MYO3B: variants seen among roughly 807,000 people sequenced by gnomAD.
MYO3B encodes the protein myosin IIIB, also known as myosin-IIIb.
MYO3B carries 156 observed loss-of-function variants against 174.6 expected under a neutral mutation model. The ratio of observed to expected loss-of-function variants is 0.89; its 90% CI spans 0.78 to 1.02. The LOEUF is 1.02. Ranked by LOEUF, MYO3B falls within the 50% of genes least tolerant of loss-of-function variation. The pLI, the probability that MYO3B is intolerant of heterozygous loss-of-function variation, is 0.00. For synonymous variants in MYO3B, 563 were observed against 569.1 expected (o/e 0.99, Z 0.15); for missense variants, 1,632 against 1,639.4 (o/e 1.00, Z 0.08).
intron 9 of MYO3B, among the ~76,000 whole-genome samples, chr2:170,379,922 T>A (rs1187342066): frequency 6.6e-6 from 1 of 152,174 alleles, no homozygotes; most frequent in African/African-American, 2.4e-5. Context: ...AAGAGAGAAA[T>A]CCATTTTATT....
intron 6 of MYO3B, among the ~76,000 whole-genome samples, chr2:170,219,195 G>A (rs1016583490): frequency 1.3e-5 from 2 of 152,192 alleles, no homozygotes; most frequent in African/African-American, 2.4e-5. Flanking sequence ...CTTTCCCTAA[G>A]TTTCCACCAC....
chr2:170,510,708 G>T (rs1347740759), intron 28 of MYO3B, among the ~76,000 whole-genome samples: 1 of 150,796 alleles, frequency 6.6e-6, no homozygotes, highest in Non-Finnish European at 1.5e-5. Context: ...GTTCCCTTAT[G>T]CCCTTCTTGA....
intron 25 of MYO3B, among the ~76,000 whole-genome samples, chr2:170,475,326 C>T (rs1417734482): frequency 3.9e-5 from 6 of 152,186 alleles, no homozygotes; most frequent in African/African-American, 1.2e-4. Flanking sequence ...TCATGGTTCA[C>T]TGCAGCTTTG....
intron 28 of MYO3B, among the ~76,000 whole-genome samples, chr2:170,512,567 T>C (rs772184920): frequency 6.6e-6 from 1 of 152,196 alleles, no homozygotes; most frequent in Non-Finnish European, 1.5e-5. Flanking sequence ...ACCAGGACAG[T>C]GTCTCTGCTG....
rs758960879 is a variant in MYO3B at position 170,652,999 on chromosome 2, G to A, written c.3904G>A (p.Asp1302Asn). ...PRKLGQIKVL[D>N]GEDEYYKSLS... ...TTGTTGCAGCCAAATCAAAGTACTT[G>A]ATGGGGAAGATGAATATTACAAATC... Residue 1302 changes from aspartate (D) to asparagine (N), a missense_variant, in exon 35 of 35, where the codon GAT becomes AAT. By Grantham distance (23) the Asp-to-Asn change is conservative (BLOSUM62 1). Coordinates refer to ENST00000408978, the MANE Select transcript of MYO3B (RefSeq NM_138995.5). 29 of 1,613,966 alleles carry A rather than the reference G, an allele frequency of 1.8e-5. No individual in the cohort carries two copies. In the Admixed American group the frequency reaches 4.8e-4, roughly 27 times the overall value.
chr2:170,553,242 A>G (rs946847591), intron 32 of MYO3B, among the ~76,000 whole-genome samples: 1 of 152,166 alleles, frequency 6.6e-6, no homozygotes. Flanking sequence ...AGATCTACCA[A>G]TACCTTGCAC....
At chr2:170,593,627 G>A (rs559198615) in intron 32 of MYO3B, among the ~76,000 whole-genome samples, 4 of 152,306 alleles carry the variant, frequency 2.6e-5, no homozygotes, top group African/African-American at 9.6e-5. Flanking sequence ...CCCAAATGAG[G>A]TCTGTTAGTC....
At chr2:170,445,556 G>A (rs2105916150) in intron 23 of MYO3B, among the ~76,000 whole-genome samples, 1 of 152,102 alleles carries the variant, frequency 6.6e-6, no homozygotes, top group East Asian at 1.9e-4. Context: ...GGTCAGGCTG[G>A]TCTCCAACTC....
chr2:170,355,052 ATC>A, intron 8 of MYO3B, among the ~76,000 whole-genome samples: 1 of 152,252 alleles, frequency 6.6e-6, no homozygotes, highest in East Asian at 1.9e-4. Context: ...TGCAAAAACC[ATC>A]TCTCCAAAAA....
chr2:170,559,431 T>C (rs1691563184), intron 32 of MYO3B, among the ~76,000 whole-genome samples: 1 of 152,188 alleles, frequency 6.6e-6, no homozygotes, highest in Non-Finnish European at 1.5e-5. Flanking sequence ...ATTTAGGGTT[T>C]CAAGGGCTCT....
chr2:170,456,950 C>T (rs559638049), intron 23 of MYO3B, among the ~76,000 whole-genome samples: 15 of 152,326 alleles, frequency 9.8e-5, no homozygotes, highest in Admixed American at 6.5e-4. Context: ...TATAAGCTAT[C>T]GCCTTTCGCT....
rs76605587 is a variant in MYO3B, at chr2:170,388,444, C to T, written c.1577+1136C>T. Among the ~76,000 whole-genome samples, 1,153 of 152,124 alleles carry T rather than the reference C, an allele frequency of 7.6e-3. 23 individuals are homozygous for T. The highest frequency in any genetic ancestry group is 0.026 in the African/African-American group (1,069 of 41,490). ...CACAGGATCACCAGGAGTTAGGCAA[C>T]GAGGTGGGGACCAGAGCAAGGAGGA... On this transcript the variant is annotated intron_variant, in intron 14 of 34. Transcript: ENST00000408978.
rs2094822375 is a variant in MYO3B, at chr2:170,444,063, C to T, written c.2730+17C>T. On this transcript the variant is annotated intron_variant, in intron 23 of 34. Coordinates refer to ENST00000408978, the MANE Select transcript of MYO3B (RefSeq NM_138995.5). The stretch of plus-strand genomic sequence containing the variant: ...AAAGCCAAGGTGAGTAACAGATTTG[C>T]ACCAAATATAGTATGGACTGGCAGG... 12 of 1,607,118 alleles carry T rather than the reference C, an allele frequency of 7.5e-6. No individual in the cohort carries two copies. The highest frequency in any genetic ancestry group is 1.0e-5 in the Non-Finnish European group (12 of 1,174,250).
chr2:170,313,055 G>A (rs182408772), intron 7 of MYO3B, among the ~76,000 whole-genome samples: 2 of 152,164 alleles, frequency 1.3e-5, no homozygotes, highest in African/African-American at 4.8e-5. Flanking sequence ...AAATGCATTA[G>A]CATTGCCCCT....
intron 30 of MYO3B, among the ~76,000 whole-genome samples, chr2:170,540,332 A>G (rs921916636): frequency 1.3e-5 from 2 of 152,184 alleles, no homozygotes; most frequent in Non-Finnish European, 2.9e-5. Context: ...TCAAAAAAAA[A>G]AGAACCAATC....
chr2:170,419,896 A>G (rs1460365021), intron 22 of MYO3B, among the ~76,000 whole-genome samples: 1 of 152,216 alleles, frequency 6.6e-6, no homozygotes, highest in Non-Finnish European at 1.5e-5. Flanking sequence ...AAAACAAACA[A>G]GAATGAAGCC....
At chr2:170,396,199 A>T (rs979689481) in intron 16 of MYO3B, among the ~76,000 whole-genome samples, 3 of 152,244 alleles carry the variant, frequency 2.0e-5, no homozygotes, top group African/African-American at 4.8e-5. Context: ...ATTCTGCAGA[A>T]AAGGCAGAGA....
At chr2:170,200,099 C>A (rs1252392499) in intron 2 of MYO3B, 51 bp from the exon 3 acceptor site, 2 of 1,573,652 alleles carry the variant, frequency 1.3e-6, no homozygotes, top group South Asian at 2.4e-5. Flanking sequence ...TATCTGTACC[C>A]TTCCTTACAC....
intron 14 of MYO3B, among the ~76,000 whole-genome samples, chr2:170,388,551 A>G (rs1218726651): frequency 6.6e-6 from 1 of 152,118 alleles, no homozygotes; most frequent in Non-Finnish European, 1.5e-5. Context: ...TTCTAAGGGC[A>G]ATAGGAAGCC....
Sources: allele counts gnomAD v4.1 joint callset (sites outside exome capture counted in the v4.1 genomes callset), GRCh38; gene constraint gnomAD v4.1.1; transcripts MANE v1.5; gene names NCBI Gene and HGNC (gene_info 2026-07-23, HGNC 2026-07-21).